KIRREL3: variants seen among roughly 807,000 people sequenced by gnomAD.
The protein encoded by KIRREL3 is kin of IRRE-like protein 3.
KIRREL3 carries 36 observed loss-of-function variants against 89.7 expected under a neutral mutation model. That is an observed-to-expected ratio of 0.40 (90% CI 0.31 to 0.53). KIRREL3 has a LOEUF of 0.53. KIRREL3 is among the 20% of genes least tolerant of loss of function. KIRREL3 has a pLI of 0.49. For synonymous variants in KIRREL3, 445 were observed against 441.4 expected, an observed-to-expected ratio of 1.01 and a Z score of -0.10; for missense variants, 864 against 1,056.6, an observed-to-expected ratio of 0.82 and a Z score of 2.53.
chr11:126,970,105 G>C lies in KIRREL3; in HGVS notation c.55+30350C>G, dbSNP rs569766234. Among the ~76,000 whole-genome samples, 1 of 152,298 alleles carries C rather than the reference G, an allele frequency of 6.6e-6. No individual in the cohort carries two copies. The highest frequency in any genetic ancestry group is 1.5e-5 in the Non-Finnish European group (1 of 68,022). On this transcript the variant is annotated intron_variant, in intron 1 of 16. Transcript: ENST00000525144. The surrounding 1 kb of genome is among the most constrained non-coding windows in gnomAD (Gnocchi z 4.4). ...CCTAGGGACGGAACAGGAAAATGCA[G>C]CCTCTCTACCACTGCCCCTGCCCCC...
rs1349072303 is a variant in KIRREL3 at position 126,550,893 on chromosome 11, C to T, written c.133+11942G>A. On this transcript the variant is annotated intron_variant, in intron 2 of 16. Coordinates refer to ENST00000525144, the MANE Select transcript of KIRREL3 (RefSeq NM_032531.4). This position sits in a 1 kb window ranked among gnomAD's most constrained non-coding sequence, Gnocchi z 4.9. ...GACACTGTCTACCTGGAGATAGTGT[C>T]AGATCCCACAGGCTGGGGGCTCAGT... is the stretch of plus-strand genomic sequence containing the variant. 2.0e-5 allele frequency among the ~76,000 whole-genome samples: 3 copies of T among 152,138 alleles called. No homozygotes were observed. The highest frequency in any genetic ancestry group is 7.2e-5 in the African/African-American group (3 of 41,434).
chr11:126,854,996 G>A (rs1446624348), intron 1 of KIRREL3, among the ~76,000 whole-genome samples: 1 of 152,152 alleles, frequency 6.6e-6, no homozygotes, highest in Non-Finnish European at 1.5e-5. Flanking sequence ...GGAGTCCGAG[G>A]CACAGAGCTG....
At chr11:126,450,789 G>T (rs1004329965) in intron 7 of KIRREL3, among the ~76,000 whole-genome samples, 2 of 151,504 alleles carry the variant, frequency 1.3e-5, no homozygotes, top group Non-Finnish European at 2.9e-5. Flanking sequence ...GTGCATCTGT[G>T]CATGTGTGTG....
Position 126,761,136 on chromosome 11 carries a change from A to G in KIRREL3, c.56-198224T>C, listed in dbSNP as rs1404418811. On this transcript the variant is annotated intron_variant, in intron 1 of 16. Coordinates refer to ENST00000525144, the MANE Select transcript of KIRREL3 (RefSeq NM_032531.4). The surrounding 1 kb of genome is among the most constrained non-coding windows in gnomAD (Gnocchi z 4.4). ...CCTGCCTGCTTCTTCTGAAGAATCT[A>G]CTAGGGCTTGGAATACCTGTCTTGA... Among the ~76,000 whole-genome samples the G allele has an allele frequency of 6.6e-6, 1 of 152,170 alleles. No individual in the cohort carries two copies. The highest frequency in any genetic ancestry group is 2.4e-5 in the African/African-American group (1 of 41,432).
rs1050622633 is a variant in KIRREL3, at chr11:126,520,454, C to T, written c.433+861G>A. On this transcript the variant is annotated intron_variant, in intron 4 of 16. Transcript: ENST00000525144. The surrounding 1 kb of genome is among the most constrained non-coding windows in gnomAD (Gnocchi z 4.9). ...TAACAGTCCCTGTCCCACCGAGCAG[C>T]GTCAGGAACAGCGGAGGTCATGTGC... Among the ~76,000 whole-genome samples the T allele has an allele frequency of 2.0e-5, 3 of 152,192 alleles. No homozygotes were observed. Among genetic ancestry groups the T allele is most frequent in the Admixed American group, 6.5e-5 (1 of 15,280 alleles).
rs1031982290 is a variant in KIRREL3 at position 126,429,124 on chromosome 11, A to G, written c.1806+55T>C. 4.9e-5 allele frequency: 59 copies of G among 1,201,286 alleles called. No individual in the cohort carries two copies. The highest frequency in any genetic ancestry group is 7.0e-5 in the Non-Finnish European group (57 of 816,390). The allele number at this position is 1,201,286 out of a possible 1,614,324, so 74.4% of individuals were successfully genotyped here. On this transcript the variant is annotated intron_variant, in intron 15 of 16. Transcript: ENST00000525144. This position sits in a 1 kb window ranked among gnomAD's most constrained non-coding sequence, Gnocchi z 5.2. ...AGTTCATTGAGAAGCCTCTAGTCCCAGGACCTTCTGGGAATGGAGTCACGG... is the reference window on the plus strand; with the variant it reads ...AGTTCATTGAGAAGCCTCTAGTCCCGGGACCTTCTGGGAATGGAGTCACGG...
At chr11:126,865,566 G>A (rs1944891562) in intron 1 of KIRREL3, among the ~76,000 whole-genome samples, 1 of 152,210 alleles carries the variant, frequency 6.6e-6, no homozygotes, top group Non-Finnish European at 1.5e-5. Context: ...CCCTCATGGA[G>A]GTCTGCACAC....
In KIRREL3 at chr11:126,516,991, C is replaced by T. The variant is rs1038175743; in HGVS notation, c.433+4324G>A. On this transcript the variant is annotated intron_variant, in intron 4 of 16. Transcript: ENST00000525144. This position sits in a 1 kb window ranked among gnomAD's most constrained non-coding sequence, Gnocchi z 4.9. Reference sequence around the variant, plus strand: ...ACTCAGGAGGCTGGAGCAGGAGGACCCAGAAGGCGGAGGTTGCGGTGAGCT... The same window carrying T: ...ACTCAGGAGGCTGGAGCAGGAGGACTCAGAAGGCGGAGGTTGCGGTGAGCT... Among the ~76,000 whole-genome samples, 1 of 152,052 alleles carries T rather than the reference C, an allele frequency of 6.6e-6. No homozygotes were observed.
chr11:126,896,428 G>A lies in KIRREL3; in HGVS notation c.55+104027C>T, dbSNP rs1946161696. ...CTCTTTGTGGCTCTCCTGTATGCCT[G>A]TTGAGATGCCCATGCCCTTTCCAGA... On this transcript the variant is annotated intron_variant, in intron 1 of 16. Transcript: ENST00000525144. The surrounding 1 kb of genome is among the most constrained non-coding windows in gnomAD (Gnocchi z 4.1). Among the ~76,000 whole-genome samples, 1 of 152,194 alleles carries A rather than the reference G, an allele frequency of 6.6e-6. No homozygotes were observed. The highest frequency in any genetic ancestry group is 1.5e-5 in the Non-Finnish European group (1 of 68,040).
At chr11:126,629,963 C>T (rs1352166328) in intron 1 of KIRREL3, among the ~76,000 whole-genome samples, 1 of 152,204 alleles carries the variant, frequency 6.6e-6, no homozygotes, top group Non-Finnish European at 1.5e-5. Flanking sequence ...TCCCCAATTT[C>T]TGTGTATTGT....
chr11:126,997,944 C>A lies in KIRREL3; in HGVS notation c.55+2511G>T, dbSNP rs1485448035. Among the ~76,000 whole-genome samples, 1 of 152,052 alleles carries A rather than the reference C, an allele frequency of 6.6e-6. No individual in the cohort carries two copies. Among genetic ancestry groups the A allele is most frequent in the Non-Finnish European group, 1.5e-5 (1 of 68,014 alleles). ...GTCTCTTCACATTTCCTGGGAGAGG[C>A]ATCCCAGCATGCAGGAGGCAGGGGT... On this transcript the variant is annotated intron_variant, in intron 1 of 16. Coordinates refer to ENST00000525144, the MANE Select transcript of KIRREL3 (RefSeq NM_032531.4). This position sits in a 1 kb window ranked among gnomAD's most constrained non-coding sequence, Gnocchi z 4.3.
chr11:126,704,981 G>T lies in KIRREL3; in HGVS notation c.56-142069C>A, dbSNP rs1270322000. On this transcript the variant is annotated intron_variant, in intron 1 of 16. Transcript: ENST00000525144. This position sits in a 1 kb window ranked among gnomAD's most constrained non-coding sequence, Gnocchi z 4.2. ...TAGGCAGCTCCAGAGCTGTATGACA[G>T]GAGTGGGAGGACTCTTGGGTCAGAA... Among the ~76,000 whole-genome samples the T allele has an allele frequency of 6.6e-6, 1 of 152,184 alleles. No homozygotes were observed. Among genetic ancestry groups the T allele is most frequent in the East Asian group, 1.9e-4 (1 of 5,190 alleles).
intron 1 of KIRREL3, among the ~76,000 whole-genome samples, chr11:126,792,303 C>T (rs780576422): frequency 1.4e-4 from 21 of 152,198 alleles, no homozygotes; most frequent in Non-Finnish European, 2.8e-4. Flanking sequence ...GTGTTGGCAA[C>T]GTTGTAGTCA....
At chr11:126,444,259 A>G (rs554176766) in intron 10 of KIRREL3, among the ~76,000 whole-genome samples, 2 of 152,296 alleles carry the variant, frequency 1.3e-5, no homozygotes, top group East Asian at 3.9e-4. Flanking sequence ...GGCCTCGTGG[A>G]GACGGTGACA....
At chr11:126,880,925 G>A (rs183659168) in intron 1 of KIRREL3, among the ~76,000 whole-genome samples, 2 of 152,324 alleles carry the variant, frequency 1.3e-5, no homozygotes, top group Admixed American at 6.5e-5. Flanking sequence ...CTTTGATGAA[G>A]CACTGAAGTG....
intron 8 of KIRREL3, among the ~76,000 whole-genome samples, chr11:126,448,483 C>T (rs1476151949): frequency 1.3e-5 from 2 of 152,098 alleles, no homozygotes; most frequent in Non-Finnish European, 2.9e-5. Flanking sequence ...CCATGATGGC[C>T]TGCGTGCTTG....
intron 1 of KIRREL3, among the ~76,000 whole-genome samples, chr11:126,960,414 G>A (rs1949049720): frequency 6.6e-6 from 1 of 152,134 alleles, no homozygotes; most frequent in Admixed American, 6.5e-5. Context: ...AGAGGCCCTA[G>A]GTTATATTTA....
chr11:126,855,050 T>G (rs978368306), intron 1 of KIRREL3, among the ~76,000 whole-genome samples: 1 of 151,848 alleles, frequency 6.6e-6, no homozygotes, highest in Non-Finnish European at 1.5e-5. Context: ...GAGGCAGGAG[T>G]CATCCCAGCG....
At position 126,995,102 on chromosome 11, in the gene KIRREL3, C is replaced by A. The variant is rs529944806; in HGVS notation, c.55+5353G>T. ...CAGGATGAAGCGATTACAACCTGGG[C>A]GCAGTATACTGGCTGGCTTTGCTGC... On this transcript the variant is annotated intron_variant, in intron 1 of 16. Transcript: ENST00000525144. This position sits in a 1 kb window ranked among gnomAD's most constrained non-coding sequence, Gnocchi z 6.5. 2.3e-6 allele frequency: 1 copy of A among 432,522 alleles called. No homozygotes were observed. Among genetic ancestry groups the A allele is most frequent in the South Asian group, 1.6e-5 (1 of 60,882 alleles). The allele number at this position is 432,522 out of a possible 1,614,324, so 26.8% of individuals were successfully genotyped here. A position where few individuals can be genotyped will look rare whatever the true frequency, so the allele number is the denominator to read the frequency against.
Sources: allele counts gnomAD v4.1 joint callset (sites outside exome capture counted in the v4.1 genomes callset), GRCh38; gene constraint gnomAD v4.1.1; non-coding constraint Gnocchi (gnomAD v3.1); transcripts MANE v1.5; gene names NCBI Gene and HGNC (gene_info 2026-07-23, HGNC 2026-07-21).